Variants in GRHL1 observed in about 807,000 individuals in gnomAD.
GRHL1 encodes the protein grainyhead like transcription factor 1, also known as grainyhead-like protein 1 homolog.
A neutral mutation model predicts 75.7 loss-of-function variants in GRHL1; 38 were observed. The observed-to-expected ratio is 0.50, with a 90% confidence interval of 0.39 to 0.66. GRHL1 has a LOEUF of 0.66. Ranked by LOEUF, GRHL1 falls within the 30% of genes least tolerant of loss-of-function variation. The pLI, the probability that GRHL1 is intolerant of heterozygous loss-of-function variation, is 0.00. For synonymous variants in GRHL1, 266 were observed against 279.4 expected (o/e 0.95, Z 0.48); for missense variants, 589 against 767.5 (o/e 0.77, Z 2.75).
chr2:9,963,897 A>C lies in GRHL1; in HGVS notation c.758A>C (p.Glu253Ala). 1 of 1,612,076 alleles carries C rather than the reference A, an allele frequency of 6.2e-7. No homozygotes were observed. Among genetic ancestry groups the C allele is most frequent in the Non-Finnish European group, 8.5e-7 (1 of 1,179,266 alleles). ...VFDSVSGNNF[E>A]YTLEASKSLR... ...TTTTTGTCCTTTAGGAACAACTTTG[A>C]ATATACCCTAGAAGCTTCAAAATCA... Residue 253 changes from glutamate (E) to alanine (A), a missense_variant, in exon 6 of 16, where the codon GAA becomes GCA. Glu to Ala is a moderately radical substitution (Grantham distance 107, BLOSUM62 -1). Around this residue, in one of 5 missense-constraint regions of GRHL1, gnomAD observed 362 missense variants for 461.8 expected, o/e 0.78. Coordinates refer to ENST00000324907, the MANE Select transcript of GRHL1 (RefSeq NM_198182.3).
At chr2:9,978,399 T>C (rs1668043347) in intron 8 of GRHL1, among the ~76,000 whole-genome samples, 1 of 152,114 alleles carries the variant, frequency 6.6e-6, no homozygotes, top group African/African-American at 2.4e-5. Flanking sequence ...CAGTAGACGA[T>C]GGAGGAAAGG....
intron 15 of GRHL1, among the ~76,000 whole-genome samples, chr2:9,999,462 G>C (rs1669174811): frequency 6.6e-6 from 1 of 152,236 alleles, no homozygotes; most frequent in South Asian, 2.1e-4. Context: ...CCGGGCACTG[G>C]GTTGGGCACG....
At chr2:9,980,255 C>T (rs114621342) in intron 8 of GRHL1, among the ~76,000 whole-genome samples, 1,774 of 151,748 alleles carry the variant, frequency 0.012, 30 homozygotes, top group African/African-American at 0.04. Flanking sequence ...GTGGCTGCCG[C>T]GGTGCTTCCT....
At chr2:9,996,498 T>C in intron 14 of GRHL1, 97 bp downstream of exon 14, 1 of 880,194 alleles carries the variant, frequency 1.1e-6, no homozygotes. Context: ...AAATCCTTTG[T>C]CAGACCTTCT....
At chr2:9,973,620 C>T (rs1300108192) in intron 8 of GRHL1, among the ~76,000 whole-genome samples, 1 of 152,170 alleles carries the variant, frequency 6.6e-6, no homozygotes, top group Non-Finnish European at 1.5e-5. Flanking sequence ...GAATAAACTA[C>T]ATTATGGACC....
In GRHL1 at chr2:9,951,790, C is replaced by T. The variant is rs1334853601; in HGVS notation, c.-44C>T. 6.6e-7 allele frequency: 1 copy of T among 1,517,814 alleles called. No individual in the cohort carries two copies. 94.0% of individuals were successfully genotyped at this position (1,517,814 alleles called of 1,614,324 possible). On this transcript the variant is annotated 5_prime_UTR_variant, in exon 1 of 16. Coordinates refer to ENST00000324907, the MANE Select transcript of GRHL1 (RefSeq NM_198182.3). This position sits in a 1 kb window ranked among gnomAD's most constrained non-coding sequence, Gnocchi z 4.2. ...CCCCGGATCGGGTGTACTGTCCCAA[C>T]CCGAAAGTCCAGTTCTGCGGCCCGG...
chr2:9,966,268 C>T (rs904029992), intron 8 of GRHL1: 16 of 152,230 alleles, frequency 1.1e-4, no homozygotes, highest in African/African-American at 3.6e-4. Context: ...CGTGGTGGCA[C>T]ACGCTTCTAA....
At chr2:9,964,189 A>T in intron 6 of GRHL1, 46 bp from the exon 7 acceptor site, 28 of 1,367,240 alleles carry the variant, frequency 2.0e-5, no homozygotes, top group Non-Finnish European at 2.9e-5. Context: ...TCCAAAACAT[A>T]CTCACCCTTT....
intron 8 of GRHL1, chr2:9,965,758 G>C (rs1667466629): frequency 5.2e-6 from 1 of 190,550 alleles, no homozygotes; most frequent in Non-Finnish European, 1.1e-5. Flanking sequence ...AACTGTTGGA[G>C]TGGCTTTGAG....
At chr2:9,981,695 TA>T (rs1384807518) in intron 8 of GRHL1, among the ~76,000 whole-genome samples, 1 of 152,268 alleles carries the variant, frequency 6.6e-6, no homozygotes, top group African/African-American at 2.4e-5. Context: ...AGATATTTTA[TA>T]TATCTACATT....
At chr2:9,981,359 G>T (rs957831610) in intron 8 of GRHL1, among the ~76,000 whole-genome samples, 1 of 152,202 alleles carries the variant, frequency 6.6e-6, no homozygotes, top group African/African-American at 2.4e-5. Context: ...CGCTTATGCG[G>T]AAAGTGGAAA....
chr2:9,990,694 A>T lies in GRHL1; in HGVS notation c.1270-2A>T, dbSNP rs764646035. ...CATATCTTGTCTTCTCTTAACCTAC[A>T]GGGAGCTGAGCGGAAAATCAGGGAT... is the stretch of plus-strand genomic sequence containing the variant. On this transcript the variant is annotated splice_acceptor_variant, in intron 9 of 15. Coordinates refer to ENST00000324907, the MANE Select transcript of GRHL1 (RefSeq NM_198182.3). LOFTEE classifies it high-confidence loss of function. The surrounding 1 kb of genome is among the most constrained non-coding windows in gnomAD (Gnocchi z 4.2). 1 of 1,601,472 alleles carries T rather than the reference A, an allele frequency of 6.2e-7. No homozygotes were observed. The highest frequency in any genetic ancestry group is 8.5e-7 in the Non-Finnish European group (1 of 1,169,756).
intron 8 of GRHL1, among the ~76,000 whole-genome samples, chr2:9,976,001 A>G (rs1262863226): frequency 6.6e-6 from 1 of 152,230 alleles, no homozygotes; most frequent in East Asian, 1.9e-4. Flanking sequence ...AATAGTACCA[A>G]TTTCATAGGT....
chr2:9,965,496 T>G (rs1027927143), intron 8 of GRHL1, 115 bp downstream of exon 8: 1 of 637,608 alleles, frequency 1.6e-6, no homozygotes, highest in Non-Finnish European at 2.8e-6. Context: ...CATTCTCAGG[T>G]GTTATGAAAC....
In GRHL1 at chr2:9,992,049, T is replaced by C; in HGVS notation, c.1364T>C (p.Met455Thr). 6.2e-7 allele frequency: 1 copy of C among 1,611,614 alleles called. No individual in the cohort carries two copies. Among genetic ancestry groups the C allele is most frequent in the South Asian group, 1.1e-5 (1 of 90,722 alleles). Reference sequence around the variant, plus strand: ...CCACTGCTTCCCTCTCACAAGCGAATGGATATCACAGTTTTCAAACCCTTC... The same window carrying C: ...CCACTGCTTCCCTCTCACAAGCGAACGGATATCACAGTTTTCAAACCCTTC... ...KVPLLPSHKR[M>T]DITVFKPFID... The change falls in exon 11 of 16, where the codon ATG (methionine) becomes ACG (threonine). Residue 455 changes from methionine (M) to threonine (T), a missense_variant. Transcript: ENST00000324907. This position sits in a 1 kb window ranked among gnomAD's most constrained non-coding sequence, Gnocchi z 4.6.
At chr2:9,978,673 T>C (rs1368674826) in intron 8 of GRHL1, among the ~76,000 whole-genome samples, 1 of 152,160 alleles carries the variant, frequency 6.6e-6, no homozygotes, top group African/African-American at 2.4e-5. Flanking sequence ...ACTTACTCTA[T>C]TTTAGTTTGA....
At chr2:9,971,897 A>AT (rs1004306615) in intron 8 of GRHL1, among the ~76,000 whole-genome samples, 2 of 151,766 alleles carry the variant, frequency 1.3e-5, no homozygotes, top group Admixed American at 6.6e-5. Context: ...GAAACTTCTA[A>AT]TTTTTTTTTA....
intron 11 of GRHL1, 96 bp from the exon 12 acceptor site, chr2:9,993,111 G>A (rs982242735): frequency 1.1e-6 from 1 of 935,122 alleles, no homozygotes; most frequent in Non-Finnish European, 1.8e-6. Context: ...TATTAGATTG[G>A]TGAAATTCAA....
chr2:9,997,831 A>C (rs1327641794), intron 14 of GRHL1, among the ~76,000 whole-genome samples: 3 of 150,696 alleles, frequency 2.0e-5, no homozygotes, highest in East Asian at 1.9e-4. Flanking sequence ...AAAAAAAAAA[A>C]CAACAAAAAA....
Sources: allele counts gnomAD v4.1 joint callset (sites outside exome capture counted in the v4.1 genomes callset), GRCh38; gene constraint gnomAD v4.1.1; regional missense constraint gnomAD v4.1.1; non-coding constraint Gnocchi (gnomAD v3.1); transcripts MANE v1.5; gene names NCBI Gene and HGNC (gene_info 2026-07-23, HGNC 2026-07-21).